The following ZNF420 variants were observed in gnomAD, a reference collection of about 807,000 sequenced individuals.
The protein encoded by ZNF420 is zinc finger protein 420, also known as ATM and p53-associated KZNF protein.
ZNF420 carries 31 observed loss-of-function variants against 44.7 expected under a neutral mutation model. That is an observed-to-expected ratio of 0.69 (90% confidence interval 0.52 to 0.94). The LOEUF is 0.94. Ranked by LOEUF, ZNF420 falls within the 40% of genes least tolerant of loss-of-function variation. The probability of loss-of-function intolerance (pLI) is 0.00; values close to 1 mark genes in which losing one functional copy is unlikely to be tolerated. For missense variants in ZNF420, 681 were observed against 827.9 expected (o/e 0.82, Z 2.18); for synonymous variants, 245 against 267.4 (o/e 0.92, Z 0.82).
chr19:37,120,013 A>G (rs1259250581), intron 4 of ZNF420, among the ~76,000 whole-genome samples: 1 of 152,326 alleles, frequency 6.6e-6, no homozygotes, highest in Admixed American at 6.5e-5. Context: ...CCAGGACCAG[A>G]TGGATTCACA....
intron 4 of ZNF420, among the ~76,000 whole-genome samples, chr19:37,110,766 T>C (rs1313929656): frequency 6.6e-6 from 1 of 152,226 alleles, no homozygotes; most frequent in Non-Finnish European, 1.5e-5. Context: ...CTCTTTTGGC[T>C]CTGTGTAAGC....
intron 1 of ZNF420, among the ~76,000 whole-genome samples, chr19:37,057,688 C>T (rs1967785348): frequency 6.6e-6 from 1 of 152,014 alleles, no homozygotes; most frequent in African/African-American, 2.4e-5. Flanking sequence ...GTGAAGGCCT[C>T]GACCACATGA....
At chr19:37,102,062 C>T (rs1969810701) in intron 4 of ZNF420, among the ~76,000 whole-genome samples, 1 of 152,082 alleles carries the variant, frequency 6.6e-6, no homozygotes, top group African/African-American at 2.4e-5. Context: ...CTTCCATGCA[C>T]AGATGGAATA....
intron 1 of ZNF420, among the ~76,000 whole-genome samples, chr19:37,063,208 C>T (rs981879266): frequency 5.3e-5 from 8 of 152,076 alleles, no homozygotes; most frequent in Non-Finnish European, 1.0e-4. Context: ...CTACATCACC[C>T]CTGAAACAGG....
chr19:37,102,089 G>A (rs1419145773), intron 4 of ZNF420, among the ~76,000 whole-genome samples: 3 of 151,776 alleles, frequency 2.0e-5, no homozygotes, highest in African/African-American at 7.3e-5. Flanking sequence ...TGACTGCAGT[G>A]GGAGGTGCTG....
At chr19:37,085,824 A>G (rs1353419712) in intron 2 of ZNF420, among the ~76,000 whole-genome samples, 2 of 151,094 alleles carry the variant, frequency 1.3e-5, no homozygotes, top group Non-Finnish European at 2.9e-5. Context: ...GTGTAGTGGC[A>G]TGATCATAGC....
In ZNF420 at chr19:37,127,280, G is replaced by T. The variant is rs143333030; in HGVS notation, c.289G>T (p.Glu97Ter). 1 of 1,613,596 alleles carries T rather than the reference G, an allele frequency of 6.2e-7. No individual in the cohort carries two copies. Residue 97 changes from glutamate (E) to a stop codon, truncating the protein, a stop_gained, in exon 5 of 5, where the codon GAG becomes TAG. Coordinates refer to ENST00000337995, the MANE Select transcript of ZNF420 (RefSeq NM_144689.5). LOFTEE classifies it low-confidence loss of function (END_TRUNC). Reference protein sequence around the residue: ...RDYLEAKGKMEKQQENQKEYF... With the variant: ...RDYLEAKGKM ...TTATTTGGAAGCCAAAGGCAAGATG[G>T]AGAAGCAACAAGAAAATCAGAAGGA...
chr19:37,095,206 G>T lies in ZNF420; in HGVS notation c.136+4085G>T, dbSNP rs146795970. Among the ~76,000 whole-genome samples, 310 of 151,822 alleles carry T rather than the reference G, an allele frequency of 2.0e-3. 3 individuals carry two copies. The highest frequency in any genetic ancestry group is 7.1e-3 in the African/African-American group (293 of 41,398). On this transcript the variant is annotated intron_variant, in intron 4 of 4. Coordinates refer to ENST00000337995, the MANE Select transcript of ZNF420 (RefSeq NM_144689.5). ...GAAGAACATTTCTGCCATTGCCGGT[G>T]AATTTAAATACTTTGGGGGTATTTC...
intron 2 of ZNF420, among the ~76,000 whole-genome samples, chr19:37,083,051 G>T (rs1599645687): frequency 2.6e-5 from 1 of 38,834 alleles, no homozygotes; most frequent in South Asian, 5.6e-4. Flanking sequence ...AGTAGAGACA[G>T]GGTTTCACCA....
At chr19:37,105,358 A>G (rs1970016563) in intron 4 of ZNF420, among the ~76,000 whole-genome samples, 1 of 152,072 alleles carries the variant, frequency 6.6e-6, no homozygotes, top group South Asian at 2.1e-4. Flanking sequence ...ATTGATCTAT[A>G]TCTCTGTTTT....
In ZNF420 at chr19:37,130,018, T is replaced by G; in HGVS notation, c.*960T>G. On this transcript the variant is annotated 3_prime_UTR_variant, in exon 5 of 5. Transcript: ENST00000337995. ...ATTTTCTCTTTTTTAGTAACAAATTTCTGGGCTGAAAATCTCAGCCTTCCT... is the reference window on the plus strand; with the variant it reads ...ATTTTCTCTTTTTTAGTAACAAATTGCTGGGCTGAAAATCTCAGCCTTCCT... 1 of 1,528,172 alleles carries G rather than the reference T, an allele frequency of 6.5e-7. No homozygotes were observed. 94.7% of individuals were successfully genotyped at this position (1,528,172 alleles called of 1,614,324 possible). A position where few individuals can be genotyped will look rare whatever the true frequency, so the allele number is the denominator to read the frequency against.
chr19:37,011,341 T>C (rs1234202185), intron 1 of ZNF420, among the ~76,000 whole-genome samples: 1 of 152,204 alleles, frequency 6.6e-6, no homozygotes, highest in Non-Finnish European at 1.5e-5. Context: ...ATGGGATGGC[T>C]GCGTGGCTGG....
intron 1 of ZNF420, among the ~76,000 whole-genome samples, chr19:37,047,341 C>G (rs1967559822): frequency 6.6e-6 from 1 of 152,128 alleles, no homozygotes; most frequent in Admixed American, 6.5e-5. Flanking sequence ...CCCTGTTTTG[C>G]CCTTCCTCCT....
At chr19:37,027,424 ATATTAT>A (rs955951560) in intron 1 of ZNF420, among the ~76,000 whole-genome samples, 1 of 152,180 alleles carries the variant, frequency 6.6e-6, no homozygotes, top group Non-Finnish European at 1.5e-5. Context: ...GCCAATATTA[ATATTAT>A]TAAGTTCATG....
Position 37,091,273 on chromosome 19 carries a change from C to G in ZNF420, c.136+152C>G, listed in dbSNP as rs1969127840. The G allele has an allele frequency of 1.8e-5, 13 of 732,970 alleles. No homozygotes were observed. The South Asian group carries it at 3.1e-4, about 17-fold the overall frequency. 45.4% of individuals were successfully genotyped at this position (732,970 alleles called of 1,614,324 possible). A position where few individuals can be genotyped will look rare whatever the true frequency, so the allele number is the denominator to read the frequency against. On this transcript the variant is annotated intron_variant, in intron 4 of 4. Transcript: ENST00000337995. ...ATTACTGGAAGTAGACATGGTTTCT[C>G]AGGGCACCTTTATCTTTTCCATCCT...
Position 37,129,721 on chromosome 19 carries a change from C to A in ZNF420, c.*663C>A, listed in dbSNP as rs1308367117. 3.3e-5 allele frequency: 5 copies of A among 151,808 alleles called. No homozygotes were observed. The highest frequency in any genetic ancestry group is 2.7e-5 in the Non-Finnish European group (2 of 73,306). The allele number at this position is 151,808 out of a possible 1,614,324, so 9.4% of individuals were successfully genotyped here. ...ATTCATACTGTTAAAAAAAAAAAAA[C>A]CCAGTGGATATAATCAGTGTATTAT... On this transcript the variant is annotated 3_prime_UTR_variant, in exon 5 of 5. Transcript: ENST00000337995.
chr19:37,032,525 G>C (rs1283951073), intron 1 of ZNF420, among the ~76,000 whole-genome samples: 2 of 124,996 alleles, frequency 1.6e-5, no homozygotes, highest in African/African-American at 5.8e-5. Context: ...AAAAAAAAAG[G>C]CTGGGTGCCG....
intron 1 of ZNF420, among the ~76,000 whole-genome samples, chr19:37,041,964 T>A (rs1397122873): frequency 6.6e-6 from 1 of 152,194 alleles, no homozygotes; most frequent in East Asian, 1.9e-4. Context: ...TTTGTAGTAT[T>A]CTCTCCAGCG....
intron 1 of ZNF420, among the ~76,000 whole-genome samples, chr19:37,054,045 C>T (rs900331867): frequency 5.3e-5 from 8 of 152,206 alleles, no homozygotes; most frequent in Non-Finnish European, 8.8e-5. Context: ...CACCTACTGA[C>T]GCCTTGGCAA....
Sources: allele counts gnomAD v4.1 joint callset (sites outside exome capture counted in the v4.1 genomes callset), GRCh38; gene constraint gnomAD v4.1.1; transcripts MANE v1.5; gene names NCBI Gene and HGNC (gene_info 2026-07-23, HGNC 2026-07-21).